Variants in WDR4 observed in about 807,000 individuals in gnomAD.
WDR4 encodes tRNA (guanine-N(7)-)-methyltransferase non-catalytic subunit WDR4.
WDR4 carries 47 observed loss-of-function variants against 48.6 expected under a neutral mutation model. The observed-to-expected ratio is 0.97, with a 90% confidence interval of 0.77 to 1.23. The LOEUF (loss-of-function observed/expected upper bound fraction) is 1.23. WDR4 is among the 50% of genes most tolerant of loss of function. The probability of loss-of-function intolerance (pLI) is 0.00; values close to 1 mark genes in which losing one functional copy is unlikely to be tolerated. For synonymous variants in WDR4, 268 were observed against 230.0 expected, an observed-to-expected ratio of 1.17 and a Z score of -1.49; for missense variants, 606 against 551.6, an observed-to-expected ratio of 1.10 and a Z score of -0.99.
At chr21:42,892,416 A>G in the WDR4 span, among the ~76,000 whole-genome samples, 49 of 152,196 alleles carry the variant, frequency 3.2e-4, no homozygotes, top group Middle Eastern at 3.4e-3. Context: ...ACTTGATAGC[A>G]GACTCCTCTT....
chr21:42,846,308 A>G (rs1419053444), downstream of WDR4, among the ~76,000 whole-genome samples: 1 of 152,254 alleles, frequency 6.6e-6, no homozygotes, highest in East Asian at 1.9e-4. Flanking sequence ...AACCACAGGC[A>G]ACAAGGTGGA....
At chr21:42,847,567 C>G (rs1394813750), downstream of WDR4, among the ~76,000 whole-genome samples, 1 of 152,192 alleles carries the variant, frequency 6.6e-6, no homozygotes, top group African/African-American at 2.4e-5. Context: ...GAGACGCGGC[C>G]CCGTGAGGAG....
At chr21:42,859,196 T>TG (rs1373782816) in intron 6 of WDR4, among the ~76,000 whole-genome samples, 2 of 151,462 alleles carry the variant, frequency 1.3e-5, no homozygotes, top group Non-Finnish European at 2.9e-5. Context: ...GCAGATCGCT[T>TG]GAGCCCAGGA....
intron 3 of WDR4, among the ~76,000 whole-genome samples, chr21:42,867,264 T>C (rs1400168778): frequency 6.6e-6 from 1 of 151,812 alleles, no homozygotes; most frequent in African/African-American, 2.4e-5. Context: ...GGTGGCTCAT[T>C]CCTATAATCC....
At chr21:42,852,601 T>C (rs1057221789) in intron 9 of WDR4, among the ~76,000 whole-genome samples, 14 of 152,094 alleles carry the variant, frequency 9.2e-5, no homozygotes, top group Admixed American at 1.3e-4. Context: ...ACTTCTCAGG[T>C]AAAAAGAACT....
chr21:42,847,386 C>T (rs983332076), downstream of WDR4, among the ~76,000 whole-genome samples: 3 of 152,206 alleles, frequency 2.0e-5, no homozygotes, highest in South Asian at 2.1e-4. Context: ...AGGAACCAGT[C>T]TATCAGTCAA....
intron 3 of WDR4, among the ~76,000 whole-genome samples, chr21:42,866,623 C>T (rs968229395): frequency 2.0e-5 from 3 of 152,110 alleles, no homozygotes; most frequent in Admixed American, 1.3e-4. Flanking sequence ...TGCCTGCCAG[C>T]TCAGCATGGT....
At chr21:42,872,339 G>A (rs1015591213) in intron 3 of WDR4, among the ~76,000 whole-genome samples, 3 of 152,274 alleles carry the variant, frequency 2.0e-5, no homozygotes, top group South Asian at 4.1e-4. Flanking sequence ...GCTGGGAGCG[G>A]TGGGTCATGC....
chr21:42,856,243 G>A (rs930232165), intron 6 of WDR4, among the ~76,000 whole-genome samples: 2 of 152,214 alleles, frequency 1.3e-5, no homozygotes, highest in Non-Finnish European at 2.9e-5. Context: ...CACTAAGAAT[G>A]ACAGGAAGGA....
At position 42,864,007 on chromosome 21, in the gene WDR4, T is replaced by G. The variant is rs1019991044; in HGVS notation, c.297-411A>C. ...CTGTAGTCCCAGCTACTCGGGAGGCTGAGGCGGGAGAATGGCGTGAACCCG... is the reference window on the plus strand; with the variant it reads ...CTGTAGTCCCAGCTACTCGGGAGGCGGAGGCGGGAGAATGGCGTGAACCCG... On this transcript the variant is annotated intron_variant, in intron 3 of 10. Coordinates refer to ENST00000398208, the MANE Select transcript of WDR4 (RefSeq NM_018669.6). Among the ~76,000 whole-genome samples the G allele has an allele frequency of 8.0e-5, 6 of 75,108 alleles. 1 individual carries two copies. In the South Asian group the frequency reaches 2.3e-3, roughly 29 times the overall value. The allele number at this position is 75,108 out of a possible 152,430, so 49.3% of individuals were successfully genotyped here.
In WDR4 at chr21:42,863,535, C is replaced by A. The variant is rs771833741; in HGVS notation, c.358G>T (p.Ala120Ser). 1 of 1,614,076 alleles carries A rather than the reference C, an allele frequency of 6.2e-7. No homozygotes were observed. Among genetic ancestry groups the A allele is most frequent in the Admixed American group, 1.7e-5 (1 of 60,020 alleles). ...GAGTAGACGTCTCCAGACTTGTCGG[C>A]CACCAAGACCTTCTCCTCCGAGGCT... is the stretch of plus-strand genomic sequence containing the variant. Reference protein sequence around the residue: ...FIASEEKVLVADKSGDVYSFS... With the variant: ...FIASEEKVLVSDKSGDVYSFS... The change falls in exon 4 of 11, where the codon GCC (alanine) becomes TCC (serine). Residue 120 changes from alanine to serine, a missense_variant. Transcript: ENST00000398208.
intron 10 of WDR4, 135 bp from the exon 11 acceptor site, chr21:42,850,377 G>C: frequency 1.3e-6 from 1 of 764,350 alleles, no homozygotes; most frequent in Non-Finnish European, 2.0e-6. Flanking sequence ...GCGCCTTCTG[G>C]GACGGCTCCC....
intron 8 of WDR4, 34 bp from the exon 9 acceptor site, chr21:42,853,786 A>G: frequency 2.0e-6 from 3 of 1,533,948 alleles, no homozygotes; most frequent in Non-Finnish European, 2.6e-6. Flanking sequence ...GATTACTAGG[A>G]CTGCAGGCCC....
chr21:42,883,130 C>T (rs974399866), upstream of WDR4, among the ~76,000 whole-genome samples: 2 of 145,908 alleles, frequency 1.4e-5, no homozygotes, highest in Non-Finnish European at 3.0e-5. Context: ...GAAAAATCAG[C>T]TGGGAGTGGT....
At chr21:42,875,438 C>T (rs1359751071) in intron 2 of WDR4, among the ~76,000 whole-genome samples, 1 of 152,048 alleles carries the variant, frequency 6.6e-6, no homozygotes, top group Non-Finnish European at 1.5e-5. Context: ...GCCTGTAGTC[C>T]CAGCTACTCA....
At position 42,862,327 on chromosome 21, in the gene WDR4, G is replaced by A; in HGVS notation, c.521C>T (p.Ala174Val). 1.2e-6 allele frequency: 2 copies of A among 1,611,846 alleles called. No individual in the cohort carries two copies. The highest frequency in any genetic ancestry group is 3.3e-4 in the Middle Eastern group (2 of 6,048). ...DRDEKIRVSW[A>V]AAPHSIESFC... Reference sequence around the variant, plus strand: ...GGACTCGATGCTATGGGGCGCCGCGGCCCAGCTGACTCGGATCTTCTCGTC... The same window carrying A: ...GGACTCGATGCTATGGGGCGCCGCGACCCAGCTGACTCGGATCTTCTCGTC... Residue 174 changes from alanine (A) to valine (V), a missense_variant, in exon 5 of 11, where the codon GCC becomes GTC. Physicochemically the swap from Ala to Val is moderately conservative, Grantham distance 64 (BLOSUM62 0). Transcript: ENST00000398208. The surrounding 1 kb of genome is among the most constrained non-coding windows in gnomAD (Gnocchi z 4.3).
chr21:42,847,982 C>T (rs1356675188), downstream of WDR4, among the ~76,000 whole-genome samples: 1 of 152,244 alleles, frequency 6.6e-6, no homozygotes, highest in Non-Finnish European at 1.5e-5. Flanking sequence ...GACAGTGGCC[C>T]AGCATGGCCC....
Position 42,869,339 on chromosome 21 carries a change from C to T in WDR4, c.296+4212G>A, listed in dbSNP as rs373332254. Among the ~76,000 whole-genome samples the T allele has an allele frequency of 1.4e-4, 22 of 152,356 alleles. 1 individual carries two copies. In the South Asian group the frequency reaches 2.1e-3, roughly 14 times the overall value. Reference sequence around the variant, plus strand: ...CCCACTCACCATAGCTGAACGGGAACCCACACACTCCACTGTTGTCTAAGT... The same window carrying T: ...CCCACTCACCATAGCTGAACGGGAATCCACACACTCCACTGTTGTCTAAGT... On this transcript the variant is annotated intron_variant, in intron 3 of 10. Transcript: ENST00000398208.
At chr21:42,881,496 T>TA (rs2146128477), upstream of WDR4, among the ~76,000 whole-genome samples, 1 of 152,380 alleles carries the variant, frequency 6.6e-6, no homozygotes, top group African/African-American at 2.4e-5. Flanking sequence ...ATTATACTGA[T>TA]ATGATCTTTT....
Sources: allele counts gnomAD v4.1 joint callset (sites outside exome capture counted in the v4.1 genomes callset), GRCh38; gene constraint gnomAD v4.1.1; non-coding constraint Gnocchi (gnomAD v3.1); transcripts MANE v1.5; gene names NCBI Gene and HGNC (gene_info 2026-07-23, HGNC 2026-07-21).